The following UNC5D variants were observed in gnomAD, a reference collection of about 807,000 sequenced individuals.
The protein encoded by UNC5D is netrin receptor UNC5D.
In UNC5D, 39 loss-of-function variants were observed where a neutral mutation model predicts 105.4. The ratio of observed to expected loss-of-function variants is 0.37; its 90% CI spans 0.29 to 0.48. The LOEUF is 0.48. Among genes scored for constraint, UNC5D ranks in the 20% least tolerant of loss-of-function variants. The probability of loss-of-function intolerance (pLI) is 0.98; values close to 1 mark genes in which losing one functional copy is unlikely to be tolerated. For synonymous variants in UNC5D, 452 were observed against 450.4 expected, an observed-to-expected ratio of 1.00 and a Z score of -0.04; for missense variants, 991 against 1,202.4, an observed-to-expected ratio of 0.82 and a Z score of 2.60.
At chr8:35,506,452 G>C (rs986354151) in intron 1 of UNC5D, among the ~76,000 whole-genome samples, 14 of 152,168 alleles carry the variant, frequency 9.2e-5, no homozygotes, top group Admixed American at 5.2e-4. Flanking sequence ...GAATGTACTA[G>C]ATAGAGCAGC....
chr8:35,305,044 C>T (rs1317807718), intron 1 of UNC5D, among the ~76,000 whole-genome samples: 1 of 152,034 alleles, frequency 6.6e-6, no homozygotes, highest in Admixed American at 6.6e-5. Context: ...TTTCCATGAT[C>T]GTCCAGCTTT....
intron 1 of UNC5D, among the ~76,000 whole-genome samples, chr8:35,357,865 C>T (rs1455509855): frequency 6.6e-6 from 1 of 152,016 alleles, no homozygotes; most frequent in Non-Finnish European, 1.5e-5. Context: ...ATCAAGCTTC[C>T]TTCCTTCCAT....
intron 4 of UNC5D, among the ~76,000 whole-genome samples, chr8:35,634,962 C>T (rs1261836093): frequency 1.3e-5 from 2 of 152,000 alleles, no homozygotes; most frequent in Admixed American, 6.6e-5. Flanking sequence ...GACGGGATTT[C>T]TCCACGTTGG....
chr8:35,358,403 G>A (rs1038264170), intron 1 of UNC5D, among the ~76,000 whole-genome samples: 4 of 152,088 alleles, frequency 2.6e-5, no homozygotes, highest in South Asian at 4.1e-4. Flanking sequence ...AACACAAAAC[G>A]AAACACCGCA....
rs1388894631 is a variant in UNC5D at position 35,485,948 on chromosome 8, T to G, written c.104-63344T>G. On this transcript the variant is annotated intron_variant, in intron 1 of 16. Coordinates refer to ENST00000404895, the MANE Select transcript of UNC5D (RefSeq NM_080872.4). Reference sequence around the variant, plus strand: ...GGAACTCCCAGGTTCTGGCCCCTCCTACAGATCACACCTTTGCTTTTCTGC... The same window carrying G: ...GGAACTCCCAGGTTCTGGCCCCTCCGACAGATCACACCTTTGCTTTTCTGC... Among the ~76,000 whole-genome samples the G allele has an allele frequency of 2.6e-5, 4 of 152,204 alleles. No individual in the cohort carries two copies. In the South Asian group the frequency reaches 8.3e-4, roughly 32 times the overall value.
At chr8:35,721,564 G>T (rs926949033) in intron 8 of UNC5D, 2 of 701,530 alleles carry the variant, frequency 2.9e-6, no homozygotes, top group Non-Finnish European at 5.2e-6. Flanking sequence ...GAAAACATCT[G>T]CCATGGACTT....
intron 11 of UNC5D, among the ~76,000 whole-genome samples, chr8:35,741,095 C>A (rs773748967): frequency 1.3e-5 from 2 of 152,142 alleles, no homozygotes; most frequent in Non-Finnish European, 2.9e-5. Context: ...AAAAGGCAAG[C>A]TAAATGCAAG....
chr8:35,257,958 A>C (rs1401597933), intron 1 of UNC5D, among the ~76,000 whole-genome samples: 1 of 152,238 alleles, frequency 6.6e-6, no homozygotes, highest in Non-Finnish European at 1.5e-5. Context: ...TATGGAGTAC[A>C]TTTATTGTAT....
At chr8:35,469,099 G>A (rs1809522351) in intron 1 of UNC5D, among the ~76,000 whole-genome samples, 2 of 152,152 alleles carry the variant, frequency 1.3e-5, no homozygotes, top group East Asian at 1.9e-4. Context: ...GATATAACAG[G>A]AGGCATCAAC....
chr8:35,533,008 C>T (rs2130562293), intron 1 of UNC5D, among the ~76,000 whole-genome samples: 1 of 146,590 alleles, frequency 6.8e-6, no homozygotes, highest in South Asian at 2.2e-4. Flanking sequence ...TCCCGTAGCT[C>T]AGAGTAATTT....
intron 1 of UNC5D, among the ~76,000 whole-genome samples, chr8:35,421,408 A>T (rs960830246): frequency 6.6e-6 from 1 of 152,178 alleles, no homozygotes; most frequent in Non-Finnish European, 1.5e-5. Flanking sequence ...GGGAATAAAC[A>T]TGATTTATAT....
At chr8:35,251,479 C>T (rs774348422) in intron 1 of UNC5D, among the ~76,000 whole-genome samples, 4 of 152,136 alleles carry the variant, frequency 2.6e-5, no homozygotes, top group South Asian at 2.1e-4. Context: ...ACAGACAAAC[C>T]GTATCACATC....
intron 1 of UNC5D, among the ~76,000 whole-genome samples, chr8:35,455,097 T>C (rs80211163): frequency 0.011 from 1,621 of 152,200 alleles, 33 homozygotes; most frequent in African/African-American, 0.036. Context: ...CCAGTAAAAA[T>C]TACTATACAA....
rs553950662 is a variant in UNC5D, at chr8:35,623,879, G to C, written c.570+28222G>C. On this transcript the variant is annotated intron_variant, in intron 4 of 16. Transcript: ENST00000404895. ...GCGGATCACAAGGGTAGGAGATCGAGACCATCCTGGCTAACACGGTGAAAC... is the reference window on the plus strand; with the variant it reads ...GCGGATCACAAGGGTAGGAGATCGACACCATCCTGGCTAACACGGTGAAAC... Among the ~76,000 whole-genome samples, 202 of 152,244 alleles carry C rather than the reference G, an allele frequency of 1.3e-3. 1 individual carries two copies. Among genetic ancestry groups the C allele is most frequent in the African/African-American group, 4.7e-3 (195 of 41,536 alleles).
intron 1 of UNC5D, among the ~76,000 whole-genome samples, chr8:35,530,306 T>G (rs1477883125): frequency 2.0e-5 from 2 of 101,748 alleles, no homozygotes; most frequent in Non-Finnish European, 1.9e-5. Context: ...GAGATAATCA[T>G]GTGGTTTTTG....
intron 1 of UNC5D, among the ~76,000 whole-genome samples, chr8:35,475,156 A>G (rs1809996325): frequency 6.6e-6 from 1 of 152,104 alleles, no homozygotes; most frequent in Non-Finnish European, 1.5e-5. Flanking sequence ...AACTTGGAGA[A>G]AAGTATTAAA....
chr8:35,417,834 A>G (rs1805627160), intron 1 of UNC5D, among the ~76,000 whole-genome samples: 1 of 152,184 alleles, frequency 6.6e-6, no homozygotes, highest in South Asian at 2.1e-4. Context: ...TTTCTAAGCA[A>G]ATCAACAAAA....
intron 8 of UNC5D, among the ~76,000 whole-genome samples, chr8:35,717,447 G>C (rs144146766): frequency 6.6e-6 from 1 of 152,266 alleles, no homozygotes; most frequent in East Asian, 1.9e-4. Context: ...ATAAATGACT[G>C]GATATGATTA....
intron 1 of UNC5D, among the ~76,000 whole-genome samples, chr8:35,314,905 C>T (rs551705194): frequency 3.9e-5 from 6 of 152,110 alleles, no homozygotes; most frequent in Admixed American, 3.9e-4. Context: ...GGATATTAAA[C>T]ACCACGTAAT....
Sources: gnomAD v4.1 joint callset for allele counts (sites outside exome capture counted in the v4.1 genomes callset) on GRCh38, gnomAD v4.1.1 for gene constraint, MANE v1.5 for transcripts, NCBI Gene and HGNC (gene_info 2026-07-23, HGNC 2026-07-21) for gene names.